KAT6B: variants seen among roughly 807,000 people sequenced by gnomAD.
KAT6B encodes lysine acetyltransferase 6B.
A neutral mutation model predicts 187.5 loss-of-function variants in KAT6B; 10 were observed. The observed-to-expected ratio is 0.05, with a 90% CI of 0.03 to 0.09. KAT6B has a LOEUF of 0.09. KAT6B is among the 10% of genes least tolerant of loss of function. KAT6B has a pLI of 1.00. For missense variants in KAT6B, 1,952 were observed against 2,558.9 expected (o/e 0.76, Z 5.12); for synonymous variants, 861 against 926.8 (o/e 0.93, Z 1.29).
intron 3 of KAT6B, among the ~76,000 whole-genome samples, chr10:74,956,784 C>T (rs532927159): frequency 6.6e-6 from 1 of 152,308 alleles, no homozygotes; most frequent in East Asian, 1.9e-4. Context: ...GCAGCTGCCC[C>T]AGGGCCATTG....
At chr10:74,875,389 G>C (rs1844340082) in intron 3 of KAT6B, among the ~76,000 whole-genome samples, 1 of 152,014 alleles carries the variant, frequency 6.6e-6, no homozygotes, top group Non-Finnish European at 1.5e-5. Context: ...TGAATAGTGA[G>C]GGGACCTCAT....
intron 5 of KAT6B, 73 bp from the exon 6 acceptor site, chr10:74,969,947 C>A: frequency 8.8e-7 from 1 of 1,139,318 alleles, no homozygotes; most frequent in Non-Finnish European, 1.3e-6. Flanking sequence ...AATGTTAATC[C>A]AGTAACAAAA....
intron 3 of KAT6B, among the ~76,000 whole-genome samples, chr10:74,929,101 GCCT>G (rs1848692855): frequency 6.6e-6 from 1 of 152,166 alleles, no homozygotes; most frequent in African/African-American, 2.4e-5. Context: ...AGTGGTTTGG[GCCT>G]CATTGCTTAT....
intron 3 of KAT6B, among the ~76,000 whole-genome samples, chr10:74,861,161 G>A (rs1053957700): frequency 1.3e-5 from 2 of 151,970 alleles, no homozygotes; most frequent in African/African-American, 4.8e-5. Flanking sequence ...CATTAGCCGG[G>A]TGTGGTGACA....
intron 3 of KAT6B, among the ~76,000 whole-genome samples, chr10:74,924,670 A>G (rs1472955488): frequency 6.6e-6 from 1 of 152,216 alleles, no homozygotes; most frequent in Non-Finnish European, 1.5e-5. Context: ...TCAAAACAGC[A>G]CTTCTTAACC....
intron 3 of KAT6B, among the ~76,000 whole-genome samples, chr10:74,849,660 CAAAAT>C (rs1842341403): frequency 6.6e-6 from 1 of 152,106 alleles, no homozygotes; most frequent in South Asian, 2.1e-4. Flanking sequence ...AAATGTAAAA[CAAAAT>C]AAAAATAGTA....
chr10:74,864,175 T>C (rs1310080282), intron 3 of KAT6B, among the ~76,000 whole-genome samples: 2 of 152,022 alleles, frequency 1.3e-5, no homozygotes, highest in African/African-American at 2.4e-5. Context: ...TTCAAGTGAT[T>C]CTCTTGCCTC....
At chr10:74,855,997 A>G (rs1296519200) in intron 3 of KAT6B, among the ~76,000 whole-genome samples, 1 of 152,162 alleles carries the variant, frequency 6.6e-6, no homozygotes, top group African/African-American at 2.4e-5. Context: ...GTTCTCTTAT[A>G]TACTATACTA....
At chr10:75,012,836 G>A (rs760188997) in intron 13 of KAT6B, among the ~76,000 whole-genome samples, 24 of 152,264 alleles carry the variant, frequency 1.6e-4, no homozygotes, top group African/African-American at 5.1e-4. Context: ...ACACGGCATC[G>A]GGGAGTCACA....
chr10:74,884,988 C>A (rs1197901510), intron 3 of KAT6B, among the ~76,000 whole-genome samples: 1 of 152,060 alleles, frequency 6.6e-6, no homozygotes, highest in Non-Finnish European at 1.5e-5. Context: ...CCACATGTGG[C>A]TATTGAGCAC....
At chr10:74,978,116 T>C (rs1842279050) in intron 9 of KAT6B, among the ~76,000 whole-genome samples, 1 of 152,222 alleles carries the variant, frequency 6.6e-6, no homozygotes, top group Non-Finnish European at 1.5e-5. Flanking sequence ...CCCCACTTCC[T>C]GTTTTGTGGG....
rs1347041385 is a variant in KAT6B at position 74,976,105 on chromosome 10, A to G, written c.1768A>G (p.Lys590Glu). ...TAKSKAHFFG[K>E]RDIRSRFISH... ...AAAATCTAAAGCCCACTTCTTTGGC[A>G]AAAGAGATATTAGAAGTCGGTTTAT... Residue 590 changes from lysine to glutamate, a missense_variant, in exon 8 of 18, where the codon AAA becomes GAA. By Grantham distance (56) the Lys-to-Glu change is moderately conservative. Transcript: ENST00000287239. 3 of 1,614,238 alleles carry G rather than the reference A, an allele frequency of 1.9e-6. No homozygotes were observed. Among genetic ancestry groups the G allele is most frequent in the East Asian group, 2.2e-5 (1 of 44,878 alleles).
At chr10:74,886,724 C>A (rs1426708560) in intron 3 of KAT6B, among the ~76,000 whole-genome samples, 3 of 152,166 alleles carry the variant, frequency 2.0e-5, no homozygotes, top group African/African-American at 7.2e-5. Flanking sequence ...ATGTTCTTGA[C>A]TAAATAATTC....
intron 3 of KAT6B, among the ~76,000 whole-genome samples, chr10:74,908,858 C>G (rs776539775): frequency 6.6e-6 from 1 of 152,098 alleles, no homozygotes; most frequent in African/African-American, 2.4e-5. Context: ...CTGGTAGCCC[C>G]CTGAGACTTG....
At chr10:74,998,054 G>T (rs1843561882) in intron 13 of KAT6B, among the ~76,000 whole-genome samples, 1 of 152,238 alleles carries the variant, frequency 6.6e-6, no homozygotes, top group Non-Finnish European at 1.5e-5. Flanking sequence ...GGAGGTTGCA[G>T]TGAGCTGAGA....
chr10:74,942,843 A>G (rs1849792547), intron 3 of KAT6B, among the ~76,000 whole-genome samples: 1 of 150,178 alleles, frequency 6.7e-6, no homozygotes, highest in Admixed American at 6.6e-5. Flanking sequence ...CTTTCTTCCT[A>G]AGGTCAGAAA....
At chr10:74,981,396 C>T (rs776251062) in intron 10 of KAT6B, among the ~76,000 whole-genome samples, 56 of 132,566 alleles carry the variant, frequency 4.2e-4, no homozygotes, top group African/African-American at 6.3e-4. Flanking sequence ...ATTTTTTTGA[C>T]GGTGTCTCAC....
At position 74,981,859 on chromosome 10, in the gene KAT6B, CAAGAAG is replaced by C. The variant is rs1842536687; in HGVS notation, c.2305_2310del (p.Lys769_Lys770del). The C allele has an allele frequency of 2.5e-6, 4 of 1,608,798 alleles. No individual in the cohort carries two copies. The highest frequency in any genetic ancestry group is 3.4e-6 in the Non-Finnish European group (4 of 1,175,262). On this transcript the variant is annotated inframe_deletion, in exon 11 of 18. Coordinates refer to ENST00000287239, the MANE Select transcript of KAT6B (RefSeq NM_012330.4). ...GTAAAAATATTTTGCTAAGACACTC[CAAGAAG>C]TGTGGATGGTTTCATCCTCCAGCAA... is the stretch of plus-strand genomic sequence containing the variant.
In KAT6B at chr10:75,006,398, G is replaced by C. The variant is rs116202742; in HGVS notation, c.2630-14184G>C. 6.1e-3 allele frequency among the ~76,000 whole-genome samples: 924 copies of C among 152,218 alleles called. 5 individuals are homozygous for C. The highest frequency in any genetic ancestry group is 0.021 in the African/African-American group (862 of 41,542). On this transcript the variant is annotated intron_variant, in intron 13 of 17. Transcript: ENST00000287239. ...TTATCCTGCCTTTCTTACATAAACTGTACAGTGAAGTAATCAAGTAGTAAA... is the reference window on the plus strand; with the variant it reads ...TTATCCTGCCTTTCTTACATAAACTCTACAGTGAAGTAATCAAGTAGTAAA...
Sources: gnomAD v4.1 joint callset for allele counts (sites outside exome capture counted in the v4.1 genomes callset) on GRCh38, gnomAD v4.1.1 for gene constraint, MANE v1.5 for transcripts, NCBI Gene and HGNC (gene_info 2026-07-23, HGNC 2026-07-21) for gene names.